ABCG2: variants seen among roughly 807,000 people sequenced by gnomAD.
The protein encoded by ABCG2 is ATP binding cassette subfamily G member 2 (JR blood group).
In ABCG2, 80 loss-of-function variants were observed where a neutral mutation model predicts 73.5. The observed-to-expected ratio is 1.09, with a 90% confidence interval of 0.91 to 1.31. The LOEUF is 1.31. ABCG2 is among the 50% of genes most tolerant of loss of function. The probability of loss-of-function intolerance (pLI) is 0.00; values close to 1 mark genes in which losing one functional copy is unlikely to be tolerated. For missense variants in ABCG2, 796 were observed against 786.2 expected, an observed-to-expected ratio of 1.01 and a Z score of -0.15; for synonymous variants, 269 against 282.4, an observed-to-expected ratio of 0.95 and a Z score of 0.48.
At chr4:88,096,811 A>G (rs1722015035) in intron 13 of ABCG2, among the ~76,000 whole-genome samples, 1 of 152,158 alleles carries the variant, frequency 6.6e-6, no homozygotes, top group African/African-American at 2.4e-5. Context: ...GAAAGGAGGT[A>G]CTTAGTAGTG....
intron 6 of ABCG2, among the ~76,000 whole-genome samples, chr4:88,120,034 G>A (rs1188114245): frequency 3.3e-5 from 5 of 152,124 alleles, no homozygotes; most frequent in African/African-American, 1.2e-4. Context: ...AGGCCTAGGA[G>A]GAAAAAATGG....
In ABCG2 at chr4:88,131,133, C is replaced by T. The variant is rs1000749135; in HGVS notation, c.459G>A (p.Thr153=). 6 of 1,613,730 alleles carry T rather than the reference C, an allele frequency of 3.7e-6. No homozygotes were observed. Among genetic ancestry groups the T allele is most frequent in the East Asian group, 2.2e-5 (1 of 44,868 alleles). ...TAATCCGTTCGTTTTTTTCATGATTCGTCATAGTTGTTGCAAGCCGAAGAG... is the reference window on the plus strand; with the variant it reads ...TAATCCGTTCGTTTTTTTCATGATTTGTCATAGTTGTTGCAAGCCGAAGAG... ...SAALRLATTM[T]NHEKNERINR... The change falls in exon 5 of 16, where the codon ACG becomes ACA. Residue 153 remains threonine, a synonymous_variant. Coordinates refer to ENST00000237612, the MANE Select transcript of ABCG2 (RefSeq NM_004827.3).
At chr4:88,220,396 C>T (rs1430415386) in intron 1 of ABCG2, among the ~76,000 whole-genome samples, 2 of 152,172 alleles carry the variant, frequency 1.3e-5, no homozygotes, top group Non-Finnish European at 2.9e-5. Context: ...TACTGTTCTC[C>T]ACAGTAGCTA....
In ABCG2 at chr4:88,094,616, C is replaced by T; in HGVS notation, c.1781G>A (p.Gly594Glu). 1.2e-6 allele frequency: 2 copies of T among 1,614,074 alleles called. No individual in the cohort carries two copies. The highest frequency in any genetic ancestry group is 1.7e-6 in the Non-Finnish European group (2 of 1,179,970). ...NEFLGQNFCP[G>E]LNATGNNPCN... ...AGGATTGTTTCCTGTTGCATTGAGTCCTGGGCAGAAGTTTTGTCCCAAAAA... is the reference window on the plus strand; with the variant it reads ...AGGATTGTTTCCTGTTGCATTGAGTTCTGGGCAGAAGTTTTGTCCCAAAAA... Residue 594 changes from glycine (G) to glutamate (E), a missense_variant, in exon 15 of 16, where the codon GGA becomes GAA. Physicochemically the swap from Gly to Glu is moderately conservative, Grantham distance 98. Transcript: ENST00000237612.
At chr4:88,176,157 G>A (rs2725243) in intron 1 of ABCG2, among the ~76,000 whole-genome samples, 60,930 of 150,722 alleles carry the variant, frequency 0.4, 13,333 homozygotes, top group East Asian at 0.66. Context: ...GATTATTCTT[G>A]TTTTTTTTTT....
intron 7 of ABCG2, among the ~76,000 whole-genome samples, 198 bp from the exon 8 acceptor site, chr4:88,115,256 C>CTATA (rs1553933372): frequency 1.4e-5 from 1 of 69,866 alleles, no homozygotes; most frequent in African/African-American, 5.6e-5. Context: ...CTCTCTCTCT[C>CTATA]TATATATATA....
intron 2 of ABCG2, among the ~76,000 whole-genome samples, chr4:88,137,153 A>G (rs1236463804): frequency 2.0e-5 from 3 of 152,212 alleles, no homozygotes; most frequent in Admixed American, 1.3e-4. Flanking sequence ...CAATAAGAGT[A>G]TGAAGGTAAA....
intron 9 of ABCG2, among the ~76,000 whole-genome samples, chr4:88,109,100 G>T (rs937267010): frequency 6.6e-6 from 1 of 150,590 alleles, no homozygotes. Flanking sequence ...CCAGGTTCAA[G>T]CAACTCTCCT....
chr4:88,218,597 T>C (rs77794504), intron 1 of ABCG2, among the ~76,000 whole-genome samples: 21,772 of 152,066 alleles, frequency 0.14, 1,810 homozygotes, highest in Non-Finnish European at 0.19. Flanking sequence ...CCTCACCCCC[T>C]TCCCACCCTT....
upstream of ABCG2, chr4:88,159,336 G>C (rs1727181809): frequency 2.5e-6 from 1 of 396,664 alleles, no homozygotes; most frequent in Non-Finnish European, 5.1e-6. Flanking sequence ...GGTTTCTGGT[G>C]AATGGGATTC....
chr4:88,160,880 A>G (rs3109821), upstream of ABCG2, among the ~76,000 whole-genome samples: 76,721 of 146,018 alleles, frequency 0.53, 21,959 homozygotes, highest in East Asian at 0.66. Context: ...AAACCTATAC[A>G]TAGAAAATTG....
Position 88,090,833 on chromosome 4 carries a change from A to G in ABCG2, c.*1401T>C, listed in dbSNP as rs1477514154. 1 of 152,248 alleles carries G rather than the reference A, an allele frequency of 6.6e-6. No individual in the cohort carries two copies. 9.4% of individuals were successfully genotyped at this position (152,248 alleles called of 1,614,324 possible). A position where few individuals can be genotyped will look rare whatever the true frequency, so the allele number is the denominator to read the frequency against. ...AGTTTAATTAACAGTGATTGTACCA[A>G]TGTTAACTTGTTAGCTTTGACAAAT... On this transcript the variant is annotated 3_prime_UTR_variant, in exon 16 of 16. Coordinates refer to ENST00000237612, the MANE Select transcript of ABCG2 (RefSeq NM_004827.3).
chr4:88,157,564 AGTT>A (rs1348044017), intron 1 of ABCG2, among the ~76,000 whole-genome samples: 1 of 152,222 alleles, frequency 6.6e-6, no homozygotes, highest in East Asian at 1.9e-4. Flanking sequence ...CACAATTAAA[AGTT>A]ATTATAAAAT....
At chr4:88,175,113 T>C (rs555257849) in intron 1 of ABCG2, among the ~76,000 whole-genome samples, 1 of 152,252 alleles carries the variant, frequency 6.6e-6, no homozygotes, top group East Asian at 1.9e-4. Context: ...TACTTTATTA[T>C]GGCAGCCCAG....
chr4:88,107,474 G>A (rs1722840788), intron 9 of ABCG2, among the ~76,000 whole-genome samples: 1 of 152,170 alleles, frequency 6.6e-6, no homozygotes, highest in African/African-American at 2.4e-5. Context: ...TAAGTTATCT[G>A]TGCTTTGGGG....
intron 1 of ABCG2, among the ~76,000 whole-genome samples, chr4:88,177,279 C>A (rs1242638045): frequency 6.6e-6 from 1 of 151,744 alleles, no homozygotes; most frequent in Non-Finnish European, 1.5e-5. Flanking sequence ...GAGGGTGAGG[C>A]AGGAGAATGG....
chr4:88,195,019 C>A (rs1728883360), intron 1 of ABCG2, among the ~76,000 whole-genome samples: 1 of 152,178 alleles, frequency 6.6e-6, no homozygotes, highest in African/African-American at 2.4e-5. Flanking sequence ...TAGAAGTCAT[C>A]ATATGAATAA....
At chr4:88,146,113 T>G (rs1171779123) in intron 1 of ABCG2, among the ~76,000 whole-genome samples, 2 of 152,114 alleles carry the variant, frequency 1.3e-5, no homozygotes, top group African/African-American at 4.8e-5. Context: ...GATGAACTTT[T>G]GTTAAATCAG....
chr4:88,092,203 G>A lies in ABCG2; in HGVS notation c.*31C>T. The A allele has an allele frequency of 1.9e-6, 3 of 1,555,860 alleles. No homozygotes were observed. Among genetic ancestry groups the A allele is most frequent in the South Asian group, 1.2e-5 (1 of 83,418 alleles). On this transcript the variant is annotated 3_prime_UTR_variant, in exon 16 of 16. Transcript: ENST00000237612. ...CAATCAAAGTGCTTCTTTTTTATGT[G>A]AGGATAAATCATACTGAATTAAGGG...
Sources: allele counts gnomAD v4.1 joint callset (sites outside exome capture counted in the v4.1 genomes callset), GRCh38; gene constraint gnomAD v4.1.1; transcripts MANE v1.5; gene names NCBI Gene and HGNC (gene_info 2026-07-23, HGNC 2026-07-21).